The following PPP1R9A variants were observed in gnomAD, a reference collection of about 807,000 sequenced individuals.
The protein encoded by PPP1R9A is neurabin-1.
A neutral mutation model predicts 141.9 loss-of-function variants in PPP1R9A; 59 were observed. The observed-to-expected ratio is 0.42, with a 90% CI of 0.34 to 0.52. The LOEUF (loss-of-function observed/expected upper bound fraction) is 0.52, where lower values mean the gene tolerates loss of function less well. Ranked by LOEUF, PPP1R9A falls within the 20% of genes least tolerant of loss-of-function variation. The pLI is 0.10. For synonymous variants in PPP1R9A, 500 were observed against 569.7 expected (o/e 0.88, Z 1.74); for missense variants, 1,444 against 1,611.9 (o/e 0.90, Z 1.78).
intron 2 of PPP1R9A, among the ~76,000 whole-genome samples, chr7:95,040,426 C>G (rs1323356059): frequency 2.0e-5 from 3 of 151,726 alleles, no homozygotes; most frequent in Non-Finnish European, 4.4e-5. Context: ...TATAAGCAGC[C>G]AGCATCCTTT....
intron 2 of PPP1R9A, among the ~76,000 whole-genome samples, chr7:95,065,867 GA>G (rs147167891): frequency 0.027 from 4,091 of 151,752 alleles, 183 homozygotes; most frequent in African/African-American, 0.093. Flanking sequence ...AAAATTCAAG[GA>G]AAAAAAATAG....
rs1222209420 is a variant in PPP1R9A, at chr7:95,288,675, T to C, written c.3869T>C (p.Ile1290Thr). The C allele has an allele frequency of 6.2e-7, 1 of 1,614,056 alleles. No individual in the cohort carries two copies. Among genetic ancestry groups the C allele is most frequent in the Middle Eastern group, 1.7e-4 (1 of 6,060 alleles). The change falls in exon 19 of 20, where the codon ATC (isoleucine) becomes ACC (threonine). Residue 1290 changes from isoleucine (I) to threonine (T), a missense_variant. Ile to Thr is a moderately conservative substitution (Grantham distance 89). Coordinates refer to ENST00000433360, the MANE Select transcript of PPP1R9A (RefSeq NM_001166160.2). Reference sequence around the variant, plus strand: ...GTATCTGAATTCAGTGCCCAAAACATCACTGGAGAACAGCTCCTGCAGTTG... The same window carrying C: ...GTATCTGAATTCAGTGCCCAAAACACCACTGGAGAACAGCTCCTGCAGTTG... ...QYVSEFSAQN[I>T]TGEQLLQLDG...
At chr7:95,184,736 A>T (rs1834369400) in intron 5 of PPP1R9A, among the ~76,000 whole-genome samples, 2 of 152,078 alleles carry the variant, frequency 1.3e-5, no homozygotes, top group Admixed American at 1.3e-4. Context: ...TTCATTACTG[A>T]GTTACTTTAC....
intron 2 of PPP1R9A, among the ~76,000 whole-genome samples, chr7:95,069,767 A>G (rs1421234550): frequency 2.0e-5 from 3 of 152,062 alleles, no homozygotes; most frequent in African/African-American, 7.2e-5. Flanking sequence ...TTTTCATGAG[A>G]ATGTTCTTGT....
intron 10 of PPP1R9A, among the ~76,000 whole-genome samples, chr7:95,251,090 G>T (rs1279641582): frequency 6.6e-6 from 1 of 152,030 alleles, no homozygotes; most frequent in African/African-American, 2.4e-5. Flanking sequence ...AAAGAGTTTT[G>T]CTATCAAAAG....
chr7:95,129,785 T>C (rs1219864146), intron 4 of PPP1R9A, among the ~76,000 whole-genome samples: 3 of 152,334 alleles, frequency 2.0e-5, no homozygotes, highest in Non-Finnish European at 2.9e-5. Flanking sequence ...ATTCTTGTTA[T>C]GTTTTAGCAA....
At chr7:95,192,338 A>C (rs1345028916) in intron 5 of PPP1R9A, among the ~76,000 whole-genome samples, 1 of 151,946 alleles carries the variant, frequency 6.6e-6, no homozygotes, top group African/African-American at 2.4e-5. Context: ...TGGCCTCAGC[A>C]CTATTAAATT....
chr7:95,038,893 C>G (rs1206718250), intron 2 of PPP1R9A, among the ~76,000 whole-genome samples: 1 of 151,962 alleles, frequency 6.6e-6, no homozygotes, highest in African/African-American at 2.4e-5. Context: ...TAAAGAAACC[C>G]ATAGTTAAAA....
chr7:95,203,043 A>G (rs570879342), intron 6 of PPP1R9A, among the ~76,000 whole-genome samples: 55 of 152,238 alleles, frequency 3.6e-4, no homozygotes, highest in African/African-American at 1.3e-3. Context: ...AAGGTTAATC[A>G]TCACTCCAGA....
intron 8 of PPP1R9A, among the ~76,000 whole-genome samples, chr7:95,235,242 G>A (rs1796516632): frequency 1.3e-5 from 2 of 152,084 alleles, no homozygotes; most frequent in African/African-American, 4.8e-5. Flanking sequence ...CCACAGACTG[G>A]GAGAAAGTCT....
intron 4 of PPP1R9A, among the ~76,000 whole-genome samples, chr7:95,141,831 T>G (rs553305681): frequency 1.3e-5 from 2 of 152,326 alleles, no homozygotes; most frequent in African/African-American, 4.8e-5. Context: ...AATGCTGCAA[T>G]GAACATTCAT....
At chr7:95,136,610 T>C (rs903034473) in intron 4 of PPP1R9A, among the ~76,000 whole-genome samples, 1 of 152,194 alleles carries the variant, frequency 6.6e-6, no homozygotes, top group Non-Finnish European at 1.5e-5. Context: ...GGAAAGAGAA[T>C]GGCATATACA....
intron 5 of PPP1R9A, among the ~76,000 whole-genome samples, chr7:95,189,998 G>A (rs894657802): frequency 4.0e-5 from 6 of 151,754 alleles, no homozygotes; most frequent in African/African-American, 1.5e-4. Flanking sequence ...TCTTTCTCTG[G>A]TATCTACTTG....
At chr7:95,037,099 G>T (rs528795736) in intron 2 of PPP1R9A, 1 of 152,164 alleles carries the variant, frequency 6.6e-6, no homozygotes, top group South Asian at 2.1e-4. Flanking sequence ...TCTGGGATTT[G>T]CTTTAAAGTA....
intron 2 of PPP1R9A, among the ~76,000 whole-genome samples, chr7:94,935,527 T>C (rs1794676901): frequency 6.6e-6 from 1 of 152,228 alleles, no homozygotes; most frequent in South Asian, 2.1e-4. Flanking sequence ...AAAAGTTCTC[T>C]TCTTGCCTTG....
At chr7:95,231,386 T>C (rs907803340) in intron 8 of PPP1R9A, among the ~76,000 whole-genome samples, 3 of 152,104 alleles carry the variant, frequency 2.0e-5, no homozygotes, top group African/African-American at 7.2e-5. Context: ...AACTATACCC[T>C]ACAACAAATG....
At chr7:95,286,980 TA>T in intron 18 of PPP1R9A, 1 of 952,440 alleles carries the variant, frequency 1.0e-6, no homozygotes, top group African/African-American at 1.7e-5. Flanking sequence ...TTTTTTCTTG[TA>T]AGCTTTTCTG....
chr7:94,933,035 C>CATAT (rs140388119), intron 2 of PPP1R9A, among the ~76,000 whole-genome samples: 32 of 151,470 alleles, frequency 2.1e-4, no homozygotes, highest in Non-Finnish European at 4.3e-4. Flanking sequence ...CACATCTCTG[C>CATAT]ATATATATAT....
intron 2 of PPP1R9A, among the ~76,000 whole-genome samples, chr7:94,987,119 G>A (rs541299875): frequency 6.6e-6 from 1 of 152,318 alleles, no homozygotes; most frequent in Non-Finnish European, 1.5e-5. Context: ...GTCAGAAATT[G>A]ATAAAATATC....
Sources: allele counts gnomAD v4.1 joint callset (sites outside exome capture counted in the v4.1 genomes callset), GRCh38; gene constraint gnomAD v4.1.1; transcripts MANE v1.5; gene names NCBI Gene and HGNC (gene_info 2026-07-23, HGNC 2026-07-21).